AKAP19: variants seen among roughly 807,000 people sequenced by gnomAD.
AKAP19 encodes the protein A-kinase anchoring protein 19.
the AKAP19 span, among the ~76,000 whole-genome samples, chr2:189,982,636 A>G: frequency 7.4e-6 from 1 of 134,556 alleles, no homozygotes; most frequent in African/African-American, 2.7e-5. Context: ...TTATTTTTGA[A>G]TTTGCTGTTG....
chr2:189,978,347 A>G, the AKAP19 span, among the ~76,000 whole-genome samples: 1 of 152,102 alleles, frequency 6.6e-6, no homozygotes, highest in Non-Finnish European at 1.5e-5. Flanking sequence ...TGGGCTGGGC[A>G]TGGTGGCTCA....
chr2:190,127,192 GAAA>G, the AKAP19 span, among the ~76,000 whole-genome samples: 1 of 141,142 alleles, frequency 7.1e-6, no homozygotes, highest in Admixed American at 7.1e-5. Flanking sequence ...GCCCTGACTG[GAAA>G]AAAAAAAAAA....
chr2:190,020,600 C>T, the AKAP19 span, among the ~76,000 whole-genome samples: 1 of 152,070 alleles, frequency 6.6e-6, no homozygotes, highest in Non-Finnish European at 1.5e-5. Flanking sequence ...GTTATCTATT[C>T]TCTTTAACCT....
the AKAP19 span, among the ~76,000 whole-genome samples, chr2:190,103,348 G>A: frequency 3.3e-5 from 5 of 152,006 alleles, no homozygotes; most frequent in South Asian, 2.1e-4. Context: ...CAGAGCAATC[G>A]GAAGAGAAAA....
the AKAP19 span, among the ~76,000 whole-genome samples, chr2:190,160,568 A>T: frequency 6.6e-6 from 1 of 152,202 alleles, no homozygotes; most frequent in Non-Finnish European, 1.5e-5. Context: ...GGAATGGGAA[A>T]CAAATTGGAA....
chr2:189,941,804 G>A, the AKAP19 span, among the ~76,000 whole-genome samples: 2 of 152,164 alleles, frequency 1.3e-5, no homozygotes, highest in East Asian at 1.9e-4. Flanking sequence ...ATTGGCAATA[G>A]TAAGTCCTTA....
chr2:190,044,058 C>G, the AKAP19 span, among the ~76,000 whole-genome samples: 8 of 152,148 alleles, frequency 5.3e-5, no homozygotes, highest in Admixed American at 1.3e-4. Flanking sequence ...TGTGTGGCTC[C>G]CCTGTGTTTC....
At chr2:189,883,349 A>G in the AKAP19 span, among the ~76,000 whole-genome samples, 1 of 152,178 alleles carries the variant, frequency 6.6e-6, no homozygotes, top group African/African-American at 2.4e-5. Context: ...ACTGACTTCT[A>G]CTAAAATCTG....
the AKAP19 span, among the ~76,000 whole-genome samples, chr2:190,035,268 TA>T: frequency 6.6e-6 from 1 of 151,832 alleles, no homozygotes; most frequent in South Asian, 2.1e-4. Context: ...CCATCTCTAC[TA>T]AAAATACAAA....
the AKAP19 span, among the ~76,000 whole-genome samples, chr2:190,100,567 T>C: frequency 0.04 from 6,028 of 152,156 alleles, 440 homozygotes; most frequent in African/African-American, 0.14. Context: ...ATGAAAGAAA[T>C]GGAAGCCAAG....
the AKAP19 span, among the ~76,000 whole-genome samples, chr2:189,883,505 C>CTTTT: frequency 7.7e-6 from 1 of 129,474 alleles, no homozygotes; most frequent in African/African-American, 3.5e-5. Context: ...TTGTTTCTTC[C>CTTTT]TGTTTTTTTT....
the AKAP19 span, among the ~76,000 whole-genome samples, chr2:190,026,880 A>G: frequency 6.6e-6 from 1 of 152,194 alleles, no homozygotes; most frequent in Non-Finnish European, 1.5e-5. Context: ...TAAGAATTTC[A>G]CAGAATACCT....
the AKAP19 span, among the ~76,000 whole-genome samples, chr2:190,099,191 G>T: frequency 6.6e-6 from 1 of 152,200 alleles, no homozygotes; most frequent in Non-Finnish European, 1.5e-5. Context: ...GGCATAAGAG[G>T]CCTACCTTTC....
At chr2:190,060,075 C>A in the AKAP19 span, 2 of 1,612,214 alleles carry the variant, frequency 1.2e-6, no homozygotes, top group South Asian at 2.2e-5. Flanking sequence ...CCCATCTTCT[C>A]CTGGTCCTGG....
At chr2:190,051,822 T>TTTTATTTATTTATTTATTTATTTA in the AKAP19 span, among the ~76,000 whole-genome samples, 1,264 of 149,638 alleles carry the variant, frequency 8.4e-3, 12 homozygotes, top group East Asian at 0.029. Context: ...TTTTTTTATT[T>TTTTATTTATTTATTTATTTATTTA]TTTATTTATT....
chr2:190,196,844 CTA>C, the AKAP19 span, among the ~76,000 whole-genome samples: 1 of 152,084 alleles, frequency 6.6e-6, no homozygotes, highest in African/African-American at 2.4e-5. Flanking sequence ...AACATAGACC[CTA>C]TGTGTCTTAG....
chr2:190,044,946 T>G, the AKAP19 span, among the ~76,000 whole-genome samples: 1 of 151,742 alleles, frequency 6.6e-6, no homozygotes, highest in Non-Finnish European at 1.5e-5. Context: ...TCCAGGACCC[T>G]CTTACAAAAG....
the AKAP19 span, among the ~76,000 whole-genome samples, chr2:190,151,555 G>T: frequency 0.014 from 2,167 of 152,254 alleles, 52 homozygotes; most frequent in African/African-American, 0.049. Flanking sequence ...CCTTTTTATG[G>T]CTGCATAGTA....
At chr2:190,052,974 G>C in the AKAP19 span, among the ~76,000 whole-genome samples, 24 of 152,098 alleles carry the variant, frequency 1.6e-4, no homozygotes, top group African/African-American at 5.3e-4. Context: ...TTTTATTAAA[G>C]TTGATCTTTA....
Sources: allele counts gnomAD v4.1 joint callset (sites outside exome capture counted in the v4.1 genomes callset), GRCh38; gene constraint gnomAD v4.1.1; transcripts MANE v1.5; gene names NCBI Gene and HGNC (gene_info 2026-07-23, HGNC 2026-07-21).